SPIDR: variants seen among roughly 807,000 people sequenced by gnomAD.
The protein encoded by SPIDR is DNA repair-scaffolding protein.
Under a neutral mutation model 104.6 loss-of-function variants are expected in SPIDR, and 93 were observed. That is an observed-to-expected ratio of 0.89 (90% CI 0.75 to 1.06). The LOEUF is 1.06. SPIDR is among the 50% of genes least tolerant of loss of function. SPIDR has a pLI of 0.00. For missense variants in SPIDR, 1,154 were observed against 1,111.2 expected, an observed-to-expected ratio of 1.04 and a Z score of -0.55; for synonymous variants, 431 against 416.9, an observed-to-expected ratio of 1.03 and a Z score of -0.41.
At chr8:47,470,700 A>G (rs533280643) in intron 8 of SPIDR, among the ~76,000 whole-genome samples, 176 of 152,242 alleles carry the variant, frequency 1.2e-3, no homozygotes, top group Admixed American at 2.9e-3. Flanking sequence ...GTTTTACACC[A>G]TATACAAAAA....
At chr8:47,389,281 T>C (rs564165967) in intron 5 of SPIDR, among the ~76,000 whole-genome samples, 1 of 152,232 alleles carries the variant, frequency 6.6e-6, no homozygotes, top group Admixed American at 6.5e-5. Flanking sequence ...TTTGCAAAAA[T>C]AGGAAAAATA....
chr8:47,489,423 C>A (rs1263394573), intron 8 of SPIDR, among the ~76,000 whole-genome samples: 3 of 152,150 alleles, frequency 2.0e-5, no homozygotes, highest in South Asian at 2.1e-4. Flanking sequence ...AATGGCCATA[C>A]TGCCCAAGGT....
intron 6 of SPIDR, among the ~76,000 whole-genome samples, chr8:47,400,853 C>T (rs374891065): frequency 1.5e-4 from 23 of 151,938 alleles, no homozygotes; most frequent in African/African-American, 5.3e-4. Context: ...ACAAAATCTA[C>T]GTCTGATTGG....
At chr8:47,310,333 C>CAAAA (rs1166703089) in intron 5 of SPIDR, among the ~76,000 whole-genome samples, 2 of 54,858 alleles carry the variant, frequency 3.6e-5, no homozygotes, top group African/African-American at 6.3e-5. Context: ...GACTCCATCT[C>CAAAA]AAAAAAAAAA....
At chr8:47,470,434 G>A (rs1429550159) in intron 8 of SPIDR, among the ~76,000 whole-genome samples, 11 of 151,834 alleles carry the variant, frequency 7.2e-5, no homozygotes, top group Non-Finnish European at 1.2e-4. Flanking sequence ...AATTACAGGC[G>A]CCCACCACCA....
intron 8 of SPIDR, among the ~76,000 whole-genome samples, chr8:47,502,039 G>A (rs1017455801): frequency 6.6e-6 from 1 of 152,124 alleles, no homozygotes; most frequent in Admixed American, 6.6e-5. Flanking sequence ...TGCTGGATTC[G>A]GTTTGCCAGT....
intron 19 of SPIDR, among the ~76,000 whole-genome samples, chr8:47,733,458 A>G (rs976778238): frequency 8.5e-5 from 13 of 152,204 alleles, no homozygotes; most frequent in African/African-American, 2.9e-4. Flanking sequence ...TTACAAATAA[A>G]TGATTTTTTG....
At chr8:47,631,622 T>C (rs2067088515) in intron 10 of SPIDR, among the ~76,000 whole-genome samples, 1 of 152,158 alleles carries the variant, frequency 6.6e-6, no homozygotes, top group Non-Finnish European at 1.5e-5. Context: ...ATTTGGGACA[T>C]ATAAAAGAGG....
At chr8:47,712,937 G>T (rs538205370) in intron 15 of SPIDR, 65 bp downstream of exon 15, 1 of 1,595,898 alleles carries the variant, frequency 6.3e-7, no homozygotes, top group Non-Finnish European at 8.5e-7. Context: ...AATACCTCTT[G>T]TGGCCTCTGG....
At position 47,282,065 on chromosome 8, in the gene SPIDR, T is replaced by G. The variant is rs1277072221; in HGVS notation, c.190-1963T>G. Among the ~76,000 whole-genome samples the G allele has an allele frequency of 1.7e-4, 26 of 152,354 alleles. 1 individual carries two copies. Among genetic ancestry groups the G allele is most frequent in the African/African-American group, 6.0e-4 (25 of 41,582 alleles). ...GCATTGTCAATCAGCAGTAATAGTTTGAAAGAAATCTTTTTCTTCTGAGCA... is the reference window on the plus strand; with the variant it reads ...GCATTGTCAATCAGCAGTAATAGTTGGAAAGAAATCTTTTTCTTCTGAGCA... On this transcript the variant is annotated intron_variant, in intron 2 of 19. Coordinates refer to ENST00000297423, the MANE Select transcript of SPIDR (RefSeq NM_001080394.4).
chr8:47,601,752 G>A (rs1038938167), intron 10 of SPIDR, among the ~76,000 whole-genome samples: 14 of 152,200 alleles, frequency 9.2e-5, no homozygotes, highest in South Asian at 4.1e-4. Flanking sequence ...GGCTGACCCA[G>A]GGTCAAGTTG....
intron 8 of SPIDR, among the ~76,000 whole-genome samples, chr8:47,442,908 A>G (rs2069724079): frequency 6.6e-6 from 1 of 152,014 alleles, no homozygotes; most frequent in South Asian, 2.1e-4. Context: ...TCCCTTCTCA[A>G]CTTCTCATTT....
rs528371141 is a variant in SPIDR at position 47,477,739 on chromosome 8, C to G, written c.1097+37197C>G. Among the ~76,000 whole-genome samples, 6 of 152,268 alleles carry G rather than the reference C, an allele frequency of 3.9e-5. No individual in the cohort carries two copies. The East Asian group carries it at 1.2e-3, about 29-fold the overall frequency. On this transcript the variant is annotated intron_variant, in intron 8 of 19. Coordinates refer to ENST00000297423, the MANE Select transcript of SPIDR (RefSeq NM_001080394.4). ...GCTGGCATACTTTCATCCTTTGTTT[C>G]ATTCAGTGAATATCTTTAGTGTGGA...
chr8:47,548,377 G>T (rs1224735092), intron 8 of SPIDR, among the ~76,000 whole-genome samples: 1 of 152,226 alleles, frequency 6.6e-6, no homozygotes, highest in Non-Finnish European at 1.5e-5. Flanking sequence ...GCTGAATGTG[G>T]TGGCTCACGC....
intron 5 of SPIDR, chr8:47,330,808 TA>T (rs782752164): frequency 4.4e-6 from 2 of 456,242 alleles, no homozygotes; most frequent in South Asian, 3.1e-5. Context: ...GAAGGTGCTA[TA>T]AACATACATT....
intron 1 of SPIDR, among the ~76,000 whole-genome samples, chr8:47,274,826 A>C (rs1277609402): frequency 6.6e-6 from 1 of 151,442 alleles, no homozygotes; most frequent in Non-Finnish European, 1.5e-5. Flanking sequence ...CACCCACCTC[A>C]GCCTCCCAAA....
At chr8:47,299,267 A>G (rs1225449969) in intron 5 of SPIDR, among the ~76,000 whole-genome samples, 3 of 152,244 alleles carry the variant, frequency 2.0e-5, no homozygotes, top group South Asian at 2.1e-4. Flanking sequence ...TTATTGGTGT[A>G]TAAGAATGCT....
intron 1 of SPIDR, among the ~76,000 whole-genome samples, chr8:47,265,990 T>C (rs1586032112): frequency 6.6e-6 from 1 of 151,748 alleles, no homozygotes; most frequent in South Asian, 2.1e-4. Context: ...CATCAGGTGA[T>C]CTGCCCGCAT....
chr8:47,475,804 A>G (rs1218309004), intron 8 of SPIDR, among the ~76,000 whole-genome samples: 4 of 152,358 alleles, frequency 2.6e-5, no homozygotes, highest in South Asian at 2.1e-4. Context: ...CCAATACAGT[A>G]TCCGCCCCCC....
Sources: gnomAD v4.1 joint callset for allele counts (sites outside exome capture counted in the v4.1 genomes callset) on GRCh38, gnomAD v4.1.1 for gene constraint, MANE v1.5 for transcripts, NCBI Gene and HGNC (gene_info 2026-07-23, HGNC 2026-07-21) for gene names.